PPARGC1A: variants seen among roughly 807,000 people sequenced by gnomAD.
PPARGC1A encodes the protein PPARG coactivator 1 alpha.
Under a neutral mutation model 88.7 loss-of-function variants are expected in PPARGC1A, and 25 were observed. The ratio of observed to expected loss-of-function variants is 0.28; its 90% confidence interval spans 0.21 to 0.39. The LOEUF is 0.39. Ranked by LOEUF, PPARGC1A falls within the 10% of genes least tolerant of loss-of-function variation. PPARGC1A has a pLI of 1.00. For missense variants in PPARGC1A, 880 were observed against 968.7 expected (o/e 0.91, Z 1.22); for synonymous variants, 363 against 355.6 (o/e 1.02, Z -0.24).
the PPARGC1A span, among the ~76,000 whole-genome samples, chr4:24,330,286 C>T: frequency 6.6e-6 from 1 of 152,190 alleles, no homozygotes; most frequent in African/African-American, 2.4e-5. Context: ...TTTCCAGTTT[C>T]TGTGTCGGAA....
the PPARGC1A span, among the ~76,000 whole-genome samples, chr4:24,108,901 T>A: frequency 6.6e-6 from 1 of 151,890 alleles, no homozygotes; most frequent in South Asian, 2.1e-4. Flanking sequence ...AGAGGAAGAT[T>A]TAAAATACTG....
chr4:23,952,323 T>C, the PPARGC1A span, among the ~76,000 whole-genome samples: 6 of 152,186 alleles, frequency 3.9e-5, no homozygotes, highest in African/African-American at 1.4e-4. Context: ...TGGAGGCCCA[T>C]ATAAAGCCTC....
At chr4:24,126,755 C>CTAG in the PPARGC1A span, among the ~76,000 whole-genome samples, 4 of 152,200 alleles carry the variant, frequency 2.6e-5, no homozygotes, top group Admixed American at 2.6e-4. Context: ...GGGCGGCATG[C>CTAG]TAGTAGCCAT....
At chr4:24,313,957 G>C in the PPARGC1A span, among the ~76,000 whole-genome samples, 2 of 152,330 alleles carry the variant, frequency 1.3e-5, no homozygotes, top group African/African-American at 4.8e-5. Context: ...TAATTAGCTA[G>C]ATGTATATGT....
At chr4:23,815,628 T>C (rs773099786) in intron 7 of PPARGC1A, among the ~76,000 whole-genome samples, 3 of 152,140 alleles carry the variant, frequency 2.0e-5, no homozygotes, top group Non-Finnish European at 4.4e-5. Context: ...GTTTCCTCTG[T>C]TGAGTTTTCC....
chr4:24,252,859 G>C, the PPARGC1A span, among the ~76,000 whole-genome samples: 1 of 151,614 alleles, frequency 6.6e-6, no homozygotes, highest in Admixed American at 6.6e-5. Context: ...TTTTTTCCTT[G>C]TAAGTTTGTC....
At chr4:24,166,124 GT>G in the PPARGC1A span, among the ~76,000 whole-genome samples, 1 of 152,180 alleles carries the variant, frequency 6.6e-6, no homozygotes, top group Non-Finnish European at 1.5e-5. Flanking sequence ...TATGGAGAAA[GT>G]TTGAGTGGCC....
the PPARGC1A span, among the ~76,000 whole-genome samples, chr4:24,080,882 G>A: frequency 6.6e-5 from 10 of 152,154 alleles, no homozygotes; most frequent in Non-Finnish European, 8.8e-5. Context: ...AAGTAAGCAC[G>A]ATTTGTTGAT....
At chr4:24,320,491 G>A in the PPARGC1A span, among the ~76,000 whole-genome samples, 165 of 152,134 alleles carry the variant, frequency 1.1e-3, no homozygotes, top group Non-Finnish European at 1.8e-3. Flanking sequence ...CCTTTTCTCC[G>A]TAAAGCAATG....
At chr4:24,194,622 ACG>A in the PPARGC1A span, among the ~76,000 whole-genome samples, 216 of 38,666 alleles carry the variant, frequency 5.6e-3, 4 homozygotes, top group Middle Eastern at 0.029. Flanking sequence ...ACGCGCGCGC[ACG>A]CGCGCGCACA....
At chr4:23,847,659 T>C (rs1375509570) in intron 2 of PPARGC1A, among the ~76,000 whole-genome samples, 2 of 152,206 alleles carry the variant, frequency 1.3e-5, no homozygotes. Context: ...TTGATACCCA[T>C]TAAAACAATT....
chr4:24,259,883 C>G, the PPARGC1A span, among the ~76,000 whole-genome samples: 4 of 152,244 alleles, frequency 2.6e-5, no homozygotes, highest in East Asian at 7.7e-4. Flanking sequence ...CACAAAGACT[C>G]AGTGAAATGC....
chr4:24,049,823 C>A, the PPARGC1A span, among the ~76,000 whole-genome samples: 1 of 152,134 alleles, frequency 6.6e-6, no homozygotes, highest in Non-Finnish European at 1.5e-5. Flanking sequence ...CCTTCCAACT[C>A]TAGTCAGTGC....
chr4:24,012,332 C>A, the PPARGC1A span, among the ~76,000 whole-genome samples: 1 of 152,086 alleles, frequency 6.6e-6, no homozygotes, highest in Non-Finnish European at 1.5e-5. Flanking sequence ...AGCCAATTGT[C>A]AAGAAGTACA....
chr4:24,103,595 CAAAA>C, the PPARGC1A span, among the ~76,000 whole-genome samples: 3 of 121,596 alleles, frequency 2.5e-5, no homozygotes, highest in African/African-American at 9.6e-5. Context: ...TGCCTTCTTC[CAAAA>C]AAAAAAAAAA....
At chr4:23,994,634 CCT>C in the PPARGC1A span, among the ~76,000 whole-genome samples, 1 of 152,074 alleles carries the variant, frequency 6.6e-6, no homozygotes, top group Non-Finnish European at 1.5e-5. Flanking sequence ...TGCCCCATTG[CCT>C]CAAGAGCAGG....
chr4:23,877,056 T>C (rs1398246784), intron 2 of PPARGC1A, among the ~76,000 whole-genome samples: 8 of 152,154 alleles, frequency 5.3e-5, no homozygotes, highest in Non-Finnish European at 1.0e-4. Flanking sequence ...ACAAATGGCT[T>C]AATGGATAAG....
chr4:24,026,597 A>G, the PPARGC1A span, among the ~76,000 whole-genome samples: 2 of 152,178 alleles, frequency 1.3e-5, no homozygotes, highest in Non-Finnish European at 2.9e-5. Flanking sequence ...CTGTAGACCA[A>G]TAAAGGAGTC....
chr4:24,109,286 A>T, the PPARGC1A span, among the ~76,000 whole-genome samples: 6 of 136,094 alleles, frequency 4.4e-5, no homozygotes, highest in Non-Finnish European at 7.7e-5. Flanking sequence ...AGCACTTAAC[A>T]CCATTTCATT....
Sources: gnomAD v4.1 joint callset for allele counts (sites outside exome capture counted in the v4.1 genomes callset) on GRCh38, gnomAD v4.1.1 for gene constraint, MANE v1.5 for transcripts, NCBI Gene and HGNC (gene_info 2026-07-23, HGNC 2026-07-21) for gene names.